Variants in ABI2 observed in about 807,000 individuals in gnomAD.
The protein encoded by ABI2 is abl interactor 2, also known as abelson interactor 2.
A neutral mutation model predicts 59.2 loss-of-function variants in ABI2; 25 were observed. That is an observed-to-expected ratio of 0.42 (90% CI 0.31 to 0.59). The LOEUF is 0.59. Among genes scored for constraint, ABI2 ranks in the 20% least tolerant of loss-of-function variants. The probability of loss-of-function intolerance (pLI) is 0.14; values close to 1 mark genes in which losing one functional copy is unlikely to be tolerated. For synonymous variants in ABI2, 213 were observed against 235.5 expected (o/e 0.90, Z 0.87); for missense variants, 545 against 681.8 (o/e 0.80, Z 2.23).
chr2:203,355,829 CAAAAAA>C (rs771519788), intron 1 of ABI2, among the ~76,000 whole-genome samples: 2 of 68,512 alleles, frequency 2.9e-5, no homozygotes, highest in African/African-American at 6.2e-5. Flanking sequence ...AAAACTGTCT[CAAAAAA>C]AAAAAAAAAA....
At chr2:203,370,220 C>T (rs1448623577) in intron 2 of ABI2, among the ~76,000 whole-genome samples, 2 of 142,714 alleles carry the variant, frequency 1.4e-5, no homozygotes, top group African/African-American at 2.8e-5. Flanking sequence ...CTCTCTCTCT[C>T]TCTCTCTTTC....
intron 1 of ABI2, among the ~76,000 whole-genome samples, chr2:203,346,498 G>T (rs1185187324): frequency 6.6e-6 from 1 of 152,206 alleles, no homozygotes; most frequent in Non-Finnish European, 1.5e-5. Flanking sequence ...AGAAATACTG[G>T]TCTGTGTTTT....
intron 1 of ABI2, among the ~76,000 whole-genome samples, chr2:203,360,396 G>A (rs2093319573): frequency 6.6e-6 from 1 of 152,108 alleles, no homozygotes; most frequent in Non-Finnish European, 1.5e-5. Flanking sequence ...GTGTTGGGTG[G>A]AGCAGATTAT....
intron 1 of ABI2, among the ~76,000 whole-genome samples, chr2:203,360,156 G>A (rs2093240004): frequency 8.4e-6 from 1 of 118,558 alleles, no homozygotes; most frequent in African/African-American, 3.3e-5. Flanking sequence ...CTGCACTCTA[G>A]TCTGGGTGAC....
intron 1 of ABI2, among the ~76,000 whole-genome samples, chr2:203,347,917 C>T (rs2084770643): frequency 6.6e-6 from 1 of 152,098 alleles, no homozygotes; most frequent in Non-Finnish European, 1.5e-5. Context: ...AGGATTTGAT[C>T]ATTAACCAGG....
At chr2:203,370,581 C>T (rs1419477256) in intron 2 of ABI2, among the ~76,000 whole-genome samples, 3 of 152,106 alleles carry the variant, frequency 2.0e-5, no homozygotes, top group Admixed American at 2.0e-4. Context: ...TTTGCCAGCC[C>T]CTGCTCTAAA....
At chr2:203,414,111 T>TC (rs1457051138) in intron 10 of ABI2, among the ~76,000 whole-genome samples, 2 of 150,794 alleles carry the variant, frequency 1.3e-5, no homozygotes, top group African/African-American at 4.9e-5. Flanking sequence ...CTTTTTTTTT[T>TC]TTTTTTTTTG....
intron 8 of ABI2, among the ~76,000 whole-genome samples, chr2:203,400,173 C>T (rs114448021): frequency 0.039 from 5,560 of 143,502 alleles, 327 homozygotes; most frequent in African/African-American, 0.13. Context: ...CTGCAATCTC[C>T]GCTGCCTGGA....
intron 1 of ABI2, among the ~76,000 whole-genome samples, chr2:203,337,552 A>T (rs114552719): frequency 1.3e-5 from 2 of 152,194 alleles, no homozygotes; most frequent in Non-Finnish European, 2.9e-5. Flanking sequence ...TATTGTTAAC[A>T]TGTCCATACT....
chr2:203,363,364 C>G (rs553818775), intron 1 of ABI2, among the ~76,000 whole-genome samples: 1 of 151,926 alleles, frequency 6.6e-6, no homozygotes, highest in African/African-American at 2.4e-5. Context: ...ATGAAATCAC[C>G]CTGTTGTGCT....
intron 1 of ABI2, among the ~76,000 whole-genome samples, chr2:203,342,643 G>C (rs1000839327): frequency 6.6e-6 from 1 of 151,600 alleles, no homozygotes; most frequent in African/African-American, 2.4e-5. Flanking sequence ...GCAGTGGCGT[G>C]ATCTCAGCTC....
chr2:203,421,710 T>C (rs1258240405), intron 11 of ABI2, among the ~76,000 whole-genome samples: 1 of 152,174 alleles, frequency 6.6e-6, no homozygotes, highest in Admixed American at 6.5e-5. Flanking sequence ...CTCACGCCTG[T>C]AATCCCAGCA....
chr2:203,374,057 G>A (rs889439963), intron 2 of ABI2, among the ~76,000 whole-genome samples: 13 of 152,284 alleles, frequency 8.5e-5, no homozygotes, highest in Non-Finnish European at 1.8e-4. Context: ...TACTCAGGAG[G>A]CTGAGGCGGG....
At chr2:203,416,239 C>G (rs143529120) in intron 10 of ABI2, among the ~76,000 whole-genome samples, 2,242 of 152,184 alleles carry the variant, frequency 0.015, 19 homozygotes, top group South Asian at 0.039. Flanking sequence ...CAGTGTAAAG[C>G]TCAGCTGTAT....
intron 4 of ABI2, among the ~76,000 whole-genome samples, chr2:203,385,588 G>GT (rs1210964976): frequency 6.6e-6 from 1 of 152,148 alleles, no homozygotes; most frequent in Non-Finnish European, 1.5e-5. Context: ...TTTTTAGCAA[G>GT]TATTTGTCAT....
intron 9 of ABI2, among the ~76,000 whole-genome samples, chr2:203,410,645 CAT>C (rs2097629589): frequency 1.3e-5 from 2 of 152,190 alleles, no homozygotes; most frequent in South Asian, 4.1e-4. Context: ...ATTGTAATGA[CAT>C]AGCACCCGAT....
intron 1 of ABI2, among the ~76,000 whole-genome samples, chr2:203,357,602 A>G (rs190436137): frequency 6.6e-6 from 1 of 152,344 alleles, no homozygotes; most frequent in Non-Finnish European, 1.5e-5. Flanking sequence ...GTTTGTCTAT[A>G]CATATGTTGT....
chr2:203,427,127 C>G (rs1444226887), intron 11 of ABI2, 50 bp from the exon 12 acceptor site: 5 of 1,539,814 alleles, frequency 3.2e-6, no homozygotes, highest in Non-Finnish European at 4.5e-6. Flanking sequence ...TTCTGTCTTT[C>G]TAGGAATATT....
chr2:203,412,325 G>A (rs1222497103), intron 10 of ABI2, among the ~76,000 whole-genome samples: 1 of 152,114 alleles, frequency 6.6e-6, no homozygotes, highest in African/African-American at 2.4e-5. Flanking sequence ...ACACATAGCA[G>A]GCACTTTTGG....
Sources: gnomAD v4.1 joint callset for allele counts (sites outside exome capture counted in the v4.1 genomes callset) on GRCh38, gnomAD v4.1.1 for gene constraint, MANE v1.5 for transcripts, NCBI Gene and HGNC (gene_info 2026-07-23, HGNC 2026-07-21) for gene names.